Variants in ESRRG observed in about 807,000 individuals in gnomAD.
ESRRG encodes estrogen related receptor gamma.
ESRRG carries 13 observed loss-of-function variants against 44.0 expected under a neutral mutation model. That is an observed-to-expected ratio of 0.30 (90% confidence interval 0.19 to 0.47). ESRRG has a LOEUF of 0.47. Ranked by LOEUF, ESRRG falls within the 20% of genes least tolerant of loss-of-function variation. ESRRG has a pLI of 1.00. For synonymous variants in ESRRG, 215 were observed against 214.6 expected, an observed-to-expected ratio of 1.00 and a Z score of -0.02; for missense variants, 395 against 580.6, an observed-to-expected ratio of 0.68 and a Z score of 3.29.
intron 1 of ESRRG, among the ~76,000 whole-genome samples, chr1:217,040,187 T>C (rs2083590353): frequency 6.6e-6 from 1 of 152,172 alleles, no homozygotes; most frequent in Admixed American, 6.6e-5. Context: ...TTTTTGAAAT[T>C]TCAGGCTGGT....
At chr1:216,954,084 C>T (rs1313213292) in intron 1 of ESRRG, among the ~76,000 whole-genome samples, 5 of 152,080 alleles carry the variant, frequency 3.3e-5, no homozygotes, top group Admixed American at 6.6e-5. Flanking sequence ...ATCTCTAAAA[C>T]ATCACTTAAT....
At chr1:217,031,657 G>A (rs1481716610) in intron 1 of ESRRG, among the ~76,000 whole-genome samples, 3 of 152,182 alleles carry the variant, frequency 2.0e-5, no homozygotes, top group African/African-American at 7.2e-5. Context: ...ATTTTGAATT[G>A]TAGTTCTCAT....
chr1:216,952,067 G>A (rs1447824485), intron 1 of ESRRG, among the ~76,000 whole-genome samples: 2 of 152,016 alleles, frequency 1.3e-5, no homozygotes, highest in South Asian at 2.1e-4. Flanking sequence ...TAGAGTGATG[G>A]CCACATCTGA....
intron 2 of ESRRG, among the ~76,000 whole-genome samples, chr1:216,728,907 T>C (rs2088133727): frequency 6.6e-6 from 1 of 152,168 alleles, no homozygotes; most frequent in Non-Finnish European, 1.5e-5. Flanking sequence ...TTTCTTTTTA[T>C]AAATGACTAT....
At chr1:216,531,607 G>C (rs756255660) in intron 5 of ESRRG, among the ~76,000 whole-genome samples, 5 of 152,020 alleles carry the variant, frequency 3.3e-5, no homozygotes, top group Non-Finnish European at 7.4e-5. Context: ...ACAGCTCTCG[G>C]AATTCCTCAA....
At chr1:216,586,646 G>T (rs753939420) in intron 3 of ESRRG, among the ~76,000 whole-genome samples, 1 of 143,916 alleles carries the variant, frequency 6.9e-6, no homozygotes, top group African/African-American at 2.6e-5. Flanking sequence ...GCACCATCTC[G>T]GCTTACTGCA....
intron 2 of ESRRG, among the ~76,000 whole-genome samples, chr1:216,750,664 A>G (rs951415098): frequency 6.6e-6 from 1 of 152,144 alleles, no homozygotes; most frequent in African/African-American, 2.4e-5. Context: ...GCATGTATTT[A>G]TCAAATGTCA....
At chr1:216,966,716 T>C (rs1020108978) in intron 1 of ESRRG, among the ~76,000 whole-genome samples, 4 of 152,114 alleles carry the variant, frequency 2.6e-5, no homozygotes, top group African/African-American at 4.8e-5. Context: ...CTTCAGTCTA[T>C]TCCTGCTGAA....
intron 5 of ESRRG, among the ~76,000 whole-genome samples, chr1:216,558,125 T>C (rs185248198): frequency 2.0e-3 from 304 of 152,322 alleles, no homozygotes; most frequent in African/African-American, 7.1e-3. Context: ...GCTTGTCTCT[T>C]GAACTAGATC....
In ESRRG at chr1:216,714,949, A is replaced by G. The variant is rs920306338; in HGVS notation, c.56+8295T>C. 1.5e-4 allele frequency: 52 copies of G among 340,676 alleles called. 1 individual carries two copies. Among genetic ancestry groups the G allele is most frequent in the African/African-American group, 1.1e-3 (49 of 45,072 alleles). 21.1% of individuals were successfully genotyped at this position (340,676 alleles called of 1,614,324 possible). On this transcript the variant is annotated intron_variant, in intron 1 of 6. Coordinates refer to ENST00000408911, the MANE Select transcript of ESRRG (RefSeq NM_001438.4). ...AATCTACTTGAATGACTGAGTAACA[A>G]CAAATTCCTGACCCTAGGAAAGAAT...
chr1:216,513,694 GT>G (rs1480331313), intron 6 of ESRRG, among the ~76,000 whole-genome samples: 5 of 152,032 alleles, frequency 3.3e-5, no homozygotes, highest in African/African-American at 1.2e-4. Context: ...ATATTGTTAT[GT>G]TTACCTTGCA....
chr1:216,850,691 A>G (rs954299184), intron 2 of ESRRG, among the ~76,000 whole-genome samples: 3 of 152,090 alleles, frequency 2.0e-5, no homozygotes, highest in Non-Finnish European at 4.4e-5. Context: ...AAAGATATAT[A>G]TCATTTCCCC....
chr1:216,543,026 T>TA (rs1227383373), intron 5 of ESRRG, among the ~76,000 whole-genome samples: 2 of 152,162 alleles, frequency 1.3e-5, no homozygotes, highest in South Asian at 4.1e-4. Flanking sequence ...ACAAAACACA[T>TA]ACGTTTCCAC....
intron 5 of ESRRG, among the ~76,000 whole-genome samples, chr1:216,537,748 G>A (rs2051419796): frequency 1.3e-5 from 2 of 152,162 alleles, no homozygotes; most frequent in East Asian, 1.9e-4. Flanking sequence ...AAAACCTTAT[G>A]GAGAACACAT....
At chr1:216,882,570 T>C (rs1577626540) in intron 2 of ESRRG, among the ~76,000 whole-genome samples, 1 of 152,194 alleles carries the variant, frequency 6.6e-6, no homozygotes, top group East Asian at 1.9e-4. Flanking sequence ...TGAGTTGTTA[T>C]AAGAACTGAA....
At chr1:216,742,794 A>G (rs1384417635) in intron 2 of ESRRG, among the ~76,000 whole-genome samples, 1 of 152,174 alleles carries the variant, frequency 6.6e-6, no homozygotes. Flanking sequence ...AGTAAACTGT[A>G]CAAGAAAACA....
At chr1:217,116,553 A>G (rs1170512240) in intron 1 of ESRRG, among the ~76,000 whole-genome samples, 1 of 152,210 alleles carries the variant, frequency 6.6e-6, no homozygotes, top group Admixed American at 6.5e-5. Flanking sequence ...TTCAAGACCC[A>G]TACTGTCAGA....
intron 1 of ESRRG, among the ~76,000 whole-genome samples, chr1:217,048,182 T>C (rs182830270): frequency 2.0e-5 from 3 of 152,264 alleles, no homozygotes. Context: ...TTCAAGGTAG[T>C]ACAGCAGGAT....
At chr1:216,714,149 G>A (rs1575652474) in intron 1 of ESRRG, among the ~76,000 whole-genome samples, 1 of 151,996 alleles carries the variant, frequency 6.6e-6, no homozygotes, top group Admixed American at 6.6e-5. Flanking sequence ...CAACAATCAA[G>A]AAAACACTAT....
Sources: allele counts gnomAD v4.1 joint callset (sites outside exome capture counted in the v4.1 genomes callset), GRCh38; gene constraint gnomAD v4.1.1; transcripts MANE v1.5; gene names NCBI Gene and HGNC (gene_info 2026-07-23, HGNC 2026-07-21).